KLHL1: variants seen among roughly 807,000 people sequenced by gnomAD.
The protein encoded by KLHL1 is kelch-like protein 1.
A neutral mutation model predicts 77.7 loss-of-function variants in KLHL1; 47 were observed. The ratio of observed to expected loss-of-function variants is 0.60; its 90% confidence interval spans 0.48 to 0.77. The LOEUF (loss-of-function observed/expected upper bound fraction) is 0.77. Among genes scored for constraint, KLHL1 ranks in the 30% least tolerant of loss-of-function variants. The pLI, the probability that KLHL1 is intolerant of heterozygous loss-of-function variation, is 0.00. For synonymous variants in KLHL1, 360 were observed against 325.2 expected (o/e 1.11, Z -1.15); for missense variants, 925 against 910.8 (o/e 1.02, Z -0.20).
chr13:69,770,147 T>C (rs1566231776), intron 7 of KLHL1, among the ~76,000 whole-genome samples: 1 of 151,946 alleles, frequency 6.6e-6, no homozygotes, highest in Admixed American at 6.5e-5. Flanking sequence ...ATGGCTGGAG[T>C]CTCTGAGTTT....
chr13:69,780,924 C>T (rs568040466), intron 7 of KLHL1, among the ~76,000 whole-genome samples: 28 of 151,694 alleles, frequency 1.8e-4, no homozygotes, highest in South Asian at 1.5e-3. Context: ...GGATACAAAG[C>T]GGCAGATTTC....
At chr13:69,812,477 A>C (rs948811380) in intron 6 of KLHL1, among the ~76,000 whole-genome samples, 17 of 152,172 alleles carry the variant, frequency 1.1e-4, no homozygotes, top group African/African-American at 2.7e-4. Flanking sequence ...GACAAATGGG[A>C]TCTAATTAAA....
intron 1 of KLHL1, among the ~76,000 whole-genome samples, chr13:70,072,677 A>G (rs1887163100): frequency 6.6e-6 from 1 of 152,094 alleles, no homozygotes; most frequent in African/African-American, 2.4e-5. Context: ...TCACATCAAC[A>G]AACTGAAGAA....
At chr13:69,927,081 T>C (rs542760933) in intron 4 of KLHL1, among the ~76,000 whole-genome samples, 3 of 151,296 alleles carry the variant, frequency 2.0e-5, no homozygotes, top group Non-Finnish European at 4.4e-5. Flanking sequence ...TGAAAAAGAA[T>C]TGAGAGTCCA....
At chr13:70,075,689 ACG>A (rs1593723585) in intron 1 of KLHL1, among the ~76,000 whole-genome samples, 2 of 141,318 alleles carry the variant, frequency 1.4e-5, no homozygotes, top group East Asian at 4.0e-4. Context: ...ATATACACAC[ACG>A]TGTGTATATA....
intron 2 of KLHL1, among the ~76,000 whole-genome samples, chr13:69,969,056 A>AT (rs34106617): frequency 6.6e-6 from 1 of 151,656 alleles, no homozygotes; most frequent in Non-Finnish European, 1.5e-5. Flanking sequence ...TTTTTAGGAG[A>AT]TTTTTTTTCA....
chr13:70,087,311 C>T (rs955896947), intron 1 of KLHL1, among the ~76,000 whole-genome samples: 2 of 152,102 alleles, frequency 1.3e-5, no homozygotes, highest in African/African-American at 4.8e-5. Flanking sequence ...AACAAATTCA[C>T]TGTCCAAACA....
intron 1 of KLHL1, among the ~76,000 whole-genome samples, chr13:70,095,975 C>T (rs9572369): frequency 0.31 from 46,970 of 151,780 alleles, 8,014 homozygotes; most frequent in African/African-American, 0.46. Flanking sequence ...CTTATTTCAC[C>T]TAACATAAGG....
intron 1 of KLHL1, among the ~76,000 whole-genome samples, chr13:70,103,269 A>G (rs980727124): frequency 1.3e-5 from 2 of 152,152 alleles, no homozygotes; most frequent in African/African-American, 4.8e-5. Context: ...TTAAGTCTGG[A>G]AAACAGAGGG....
intron 7 of KLHL1, among the ~76,000 whole-genome samples, chr13:69,786,345 G>A (rs541507458): frequency 2.2e-4 from 34 of 152,288 alleles, no homozygotes; most frequent in African/African-American, 7.7e-4. Context: ...TGCAAGGCTG[G>A]TTCAATATAC....
At chr13:69,890,071 T>C (rs1881369261) in intron 4 of KLHL1, among the ~76,000 whole-genome samples, 1 of 152,078 alleles carries the variant, frequency 6.6e-6, no homozygotes, top group Non-Finnish European at 1.5e-5. Flanking sequence ...AGAAAGGCTC[T>C]GGCCTTAAGA....
At chr13:69,860,268 G>A (rs942273771) in intron 5 of KLHL1, among the ~76,000 whole-genome samples, 6 of 151,838 alleles carry the variant, frequency 4.0e-5, no homozygotes, top group Non-Finnish European at 8.8e-5. Context: ...GTTCAAAAAA[G>A]CAATTTCAGA....
intron 4 of KLHL1, among the ~76,000 whole-genome samples, 161 bp from the exon 5 acceptor site, chr13:69,882,656 T>C (rs1174036946): frequency 1.3e-5 from 2 of 152,178 alleles, no homozygotes; most frequent in African/African-American, 2.4e-5. Context: ...GATGAAAGCA[T>C]TGTAATTGTC....
At chr13:69,766,027 C>A (rs573798576) in intron 7 of KLHL1, among the ~76,000 whole-genome samples, 1 of 152,202 alleles carries the variant, frequency 6.6e-6, no homozygotes, top group Admixed American at 6.5e-5. Context: ...TAGATGATAC[C>A]GAAATCTTCA....
intron 6 of KLHL1, among the ~76,000 whole-genome samples, chr13:69,837,667 T>TACAC (rs1879075525): frequency 7.6e-6 from 1 of 132,388 alleles, no homozygotes; most frequent in African/African-American, 3.2e-5. Context: ...TGTGTGTGTG[T>TACAC]GTGTATATAT....
intron 1 of KLHL1, among the ~76,000 whole-genome samples, chr13:70,065,901 T>C (rs1886996169): frequency 6.6e-6 from 1 of 152,046 alleles, no homozygotes; most frequent in Non-Finnish European, 1.5e-5. Flanking sequence ...AAAAACTATT[T>C]AAAAGACAAG....
intron 4 of KLHL1, among the ~76,000 whole-genome samples, chr13:69,886,945 A>G (rs1425071851): frequency 6.6e-6 from 1 of 152,096 alleles, no homozygotes; most frequent in African/African-American, 2.4e-5. Flanking sequence ...AATTTATTTA[A>G]TCATCCATCT....
rs116009206 is a variant in KLHL1, at chr13:70,101,832, G to A, written c.497+5371C>T. On this transcript the variant is annotated intron_variant, in intron 1 of 10. Coordinates refer to ENST00000377844, the MANE Select transcript of KLHL1 (RefSeq NM_020866.3). Reference sequence around the variant, plus strand: ...ACTCCTGGGTAGAACACCATGTAACGTTTATAAATTCATCCTAACATAGAC... The same window carrying A: ...ACTCCTGGGTAGAACACCATGTAACATTTATAAATTCATCCTAACATAGAC... Among the ~76,000 whole-genome samples, 1,313 of 151,900 alleles carry A rather than the reference G, an allele frequency of 8.6e-3. 24 individuals carry two copies. The highest frequency in any genetic ancestry group is 0.029 in the African/African-American group (1,217 of 41,426).
At chr13:70,051,364 T>C (rs1886625532) in intron 1 of KLHL1, among the ~76,000 whole-genome samples, 1 of 152,052 alleles carries the variant, frequency 6.6e-6, no homozygotes, top group Admixed American at 6.6e-5. Flanking sequence ...TTATTGATAA[T>C]TGCCTTCAGC....
Sources: gnomAD v4.1 joint callset for allele counts (sites outside exome capture counted in the v4.1 genomes callset) on GRCh38, gnomAD v4.1.1 for gene constraint, MANE v1.5 for transcripts, NCBI Gene and HGNC (gene_info 2026-07-23, HGNC 2026-07-21) for gene names.